Variants in COL23A1 observed in about 807,000 individuals in gnomAD.
COL23A1 encodes collagen alpha-1(XXIII) chain.
In COL23A1, 97 loss-of-function variants were observed where a neutral mutation model predicts 99.3. The observed-to-expected ratio is 0.98, with a 90% CI of 0.83 to 1.16. The LOEUF is 1.16. COL23A1 is among the 50% of genes most tolerant of loss of function. COL23A1 has a pLI of 0.00. For synonymous variants in COL23A1, 320 were observed against 308.2 expected, an observed-to-expected ratio of 1.04 and a Z score of -0.40; for missense variants, 762 against 757.4, an observed-to-expected ratio of 1.01 and a Z score of -0.07.
At chr5:178,435,386 T>C (rs962280525) in intron 2 of COL23A1, among the ~76,000 whole-genome samples, 4 of 152,144 alleles carry the variant, frequency 2.6e-5, no homozygotes, top group African/African-American at 9.7e-5. Context: ...TTCACCTATA[T>C]GTGGGGTGAT....
intron 2 of COL23A1, among the ~76,000 whole-genome samples, chr5:178,540,713 G>A (rs1404204556): frequency 6.6e-6 from 1 of 152,120 alleles, no homozygotes; most frequent in Non-Finnish European, 1.5e-5. Context: ...CTTGAGCCTA[G>A]GAGTTTAAGA....
At chr5:178,272,164 T>C (rs377309262) in intron 5 of COL23A1, among the ~76,000 whole-genome samples, 8 of 152,326 alleles carry the variant, frequency 5.3e-5, no homozygotes, top group African/African-American at 1.7e-4. Flanking sequence ...CGTTTCCAGC[T>C]GGTAAGAGGC....
intron 2 of COL23A1, among the ~76,000 whole-genome samples, chr5:178,337,059 C>T (rs1760364770): frequency 1.3e-5 from 2 of 152,220 alleles, no homozygotes; most frequent in African/African-American, 2.4e-5. Flanking sequence ...TCTGTCCCTG[C>T]CCCCTATTGG....
At position 178,372,115 on chromosome 5, in the gene COL23A1, T is replaced by C. The variant is rs561681791; in HGVS notation, c.362-65196A>G. Among the ~76,000 whole-genome samples, 189 of 152,298 alleles carry C rather than the reference T, an allele frequency of 1.2e-3. 1 individual carries two copies. Among genetic ancestry groups the C allele is most frequent in the African/African-American group, 4.3e-3 (180 of 41,572 alleles). On this transcript the variant is annotated intron_variant, in intron 2 of 28. Transcript: ENST00000390654. The stretch of plus-strand genomic sequence containing the variant: ...AATCAGGCAATTTCACACACAACTC[T>C]GGATTTCTGGTTCCTCTGGAAGAAA...
Position 178,584,268 on chromosome 5 carries a change from C to T in COL23A1, c.294+5636G>A, listed in dbSNP as rs1443478448. ...CAGGTGATCCACCCACTTCGGCCTC[C>T]CAAAGTGCTGGGATTACAGGTGTGA... On this transcript the variant is annotated intron_variant, in intron 1 of 28. Coordinates refer to ENST00000390654, the MANE Select transcript of COL23A1 (RefSeq NM_173465.4). Among the ~76,000 whole-genome samples, 8 of 150,824 alleles carry T rather than the reference C, an allele frequency of 5.3e-5. No individual in the cohort carries two copies. In the South Asian group the frequency reaches 1.7e-3, roughly 32 times the overall value.
At chr5:178,312,952 C>T (rs920263708) in intron 2 of COL23A1, among the ~76,000 whole-genome samples, 1 of 152,236 alleles carries the variant, frequency 6.6e-6, no homozygotes, top group Non-Finnish European at 1.5e-5. Flanking sequence ...ACCCAAACGT[C>T]CACGGACAGA....
At chr5:178,238,825 C>T (rs1764244424) in intron 28 of COL23A1, 125 bp from the exon 29 acceptor site, 2 of 1,293,422 alleles carry the variant, frequency 1.5e-6, no homozygotes, top group Admixed American at 1.7e-5. Context: ...CCCACTCCCT[C>T]TCAGTGGGCC....
At chr5:178,353,471 AATCGGTGAG>A (rs1761445742) in intron 2 of COL23A1, among the ~76,000 whole-genome samples, 1 of 152,216 alleles carries the variant, frequency 6.6e-6, no homozygotes, top group Non-Finnish European at 1.5e-5. Flanking sequence ...CATTCCTAGC[AATCGGTGAG>A]GAAGATGTGA....
intron 2 of COL23A1, among the ~76,000 whole-genome samples, chr5:178,557,079 C>T (rs1041897933): frequency 2.0e-5 from 3 of 152,326 alleles, no homozygotes; most frequent in African/African-American, 2.4e-5. Flanking sequence ...GTCTGCGGGG[C>T]GGGCTCCTCA....
At chr5:178,352,830 C>T (rs1188835054) in intron 2 of COL23A1, among the ~76,000 whole-genome samples, 1 of 152,124 alleles carries the variant, frequency 6.6e-6, no homozygotes, top group Non-Finnish European at 1.5e-5. Context: ...TGTGTAGAAC[C>T]AGGCCCAGCA....
intron 3 of COL23A1, among the ~76,000 whole-genome samples, chr5:178,302,551 C>T (rs1056873277): frequency 6.6e-6 from 1 of 152,238 alleles, no homozygotes; most frequent in Non-Finnish European, 1.5e-5. Context: ...TCATTTCCTG[C>T]TTGAACAATC....
chr5:178,578,156 C>T (rs1581673204), intron 1 of COL23A1, among the ~76,000 whole-genome samples: 3 of 152,112 alleles, frequency 2.0e-5, no homozygotes, highest in South Asian at 4.2e-4. Context: ...CATGCACACA[C>T]AGGCATACTT....
chr5:178,243,411 C>T (rs914526466), intron 25 of COL23A1, among the ~76,000 whole-genome samples: 2 of 147,594 alleles, frequency 1.4e-5, no homozygotes, highest in South Asian at 2.2e-4. Flanking sequence ...CGCTTGAACC[C>T]GGGAGACAGA....
intron 2 of COL23A1, among the ~76,000 whole-genome samples, chr5:178,404,789 C>A (rs1397881647): frequency 6.6e-6 from 1 of 152,168 alleles, no homozygotes; most frequent in Admixed American, 6.5e-5. Context: ...GACCTGGGCC[C>A]ACACCTCTTG....
intron 2 of COL23A1, among the ~76,000 whole-genome samples, chr5:178,344,039 T>G (rs1305302284): frequency 6.6e-6 from 1 of 152,142 alleles, no homozygotes; most frequent in African/African-American, 2.4e-5. Flanking sequence ...CTATCCCTAA[T>G]TTTTACATTA....
At chr5:178,254,087 C>G (rs909944072) in intron 16 of COL23A1, among the ~76,000 whole-genome samples, 2 of 152,124 alleles carry the variant, frequency 1.3e-5, no homozygotes, top group African/African-American at 4.8e-5. Context: ...TTGCTTGAAC[C>G]TGGGAGGAGG....
chr5:178,512,973 A>G (rs1475806294), intron 2 of COL23A1, among the ~76,000 whole-genome samples: 1 of 152,184 alleles, frequency 6.6e-6, no homozygotes, highest in Non-Finnish European at 1.5e-5. Context: ...GTGTGTGCCC[A>G]CCACTCCACA....
intron 2 of COL23A1, among the ~76,000 whole-genome samples, chr5:178,453,970 G>T (rs1034818151): frequency 6.6e-6 from 1 of 152,080 alleles, no homozygotes; most frequent in Non-Finnish European, 1.5e-5. Flanking sequence ...GCCAAAGTTT[G>T]TAAGATAAAA....
intron 2 of COL23A1, among the ~76,000 whole-genome samples, chr5:178,376,946 G>C (rs987532551): frequency 5.9e-5 from 9 of 152,308 alleles, no homozygotes; most frequent in African/African-American, 1.9e-4. Context: ...CGAAAAGGCT[G>C]ATAAATGCAC....
Sources: gnomAD v4.1 joint callset for allele counts (sites outside exome capture counted in the v4.1 genomes callset) on GRCh38, gnomAD v4.1.1 for gene constraint, MANE v1.5 for transcripts, NCBI Gene and HGNC (gene_info 2026-07-23, HGNC 2026-07-21) for gene names.